The following LOC728392 variants were observed in gnomAD, a reference collection of about 807,000 sequenced individuals.
the LOC728392 span, chr17:5,499,778 G>A: frequency 1.0e-6 from 1 of 985,848 alleles, no homozygotes. Flanking sequence ...CGTGGACCCC[G>A]GCTAGGGCCC....
At chr17:5,499,991 C>A in the LOC728392 span, 14 of 986,070 alleles carry the variant, frequency 1.4e-5, no homozygotes, top group African/African-American at 1.7e-4. Context: ...AGCCGGAGCC[C>A]CTGGGGGCGC....
chr17:5,500,682 G>A, the LOC728392 span: 2 of 1,271,768 alleles, frequency 1.6e-6, no homozygotes, highest in Admixed American at 5.2e-5. The surrounding 1 kb of genome is among the most constrained non-coding windows in gnomAD (Gnocchi z 5.4). Flanking sequence ...GGAGAGGTGC[G>A]GAAAATGGTC....
chr17:5,500,587 C>G, the LOC728392 span: 2 of 1,245,728 alleles, frequency 1.6e-6, no homozygotes, highest in South Asian at 2.8e-5. The surrounding 1 kb of genome is among the most constrained non-coding windows in gnomAD (Gnocchi z 5.4). Flanking sequence ...CCCCGTCCCG[C>G]GCTGGCCACT....
the LOC728392 span, chr17:5,499,809 G>A: frequency 9.2e-4 from 912 of 986,032 alleles, no homozygotes; most frequent in Admixed American, 3.0e-3. Context: ...ATCCTCAGGA[G>A]TGCGCCAGCT....
the LOC728392 span, chr17:5,500,249 G>A: frequency 1.0e-6 from 1 of 995,430 alleles, no homozygotes; most frequent in African/African-American, 1.7e-5. This position sits in a 1 kb window ranked among gnomAD's most constrained non-coding sequence, Gnocchi z 5.4. Context: ...GGCGCACTCT[G>A]AGCTCCCCAA....
the LOC728392 span, chr17:5,499,682 C>T: frequency 2.5e-6 from 2 of 792,226 alleles, no homozygotes; most frequent in Non-Finnish European, 1.5e-6. Flanking sequence ...AGAAATCCCT[C>T]AGCCCCTTTT....
At chr17:5,500,732 G>C in the LOC728392 span, 1 of 1,239,862 alleles carries the variant, frequency 8.1e-7, no homozygotes, top group Middle Eastern at 2.4e-4. This position sits in a 1 kb window ranked among gnomAD's most constrained non-coding sequence, Gnocchi z 5.4. Context: ...CCTCCTTCTT[G>C]GGCGGGGGGC....
At chr17:5,500,468 C>A in the LOC728392 span, 1 of 1,147,272 alleles carries the variant, frequency 8.7e-7, no homozygotes, top group Non-Finnish European at 1.1e-6. This position sits in a 1 kb window ranked among gnomAD's most constrained non-coding sequence, Gnocchi z 5.4. Context: ...ACAACAAAGA[C>A]GGAAAGAAAC....
At chr17:5,500,312 G>T in the LOC728392 span, 1 of 1,042,894 alleles carries the variant, frequency 9.6e-7, no homozygotes, top group Non-Finnish European at 1.2e-6. The surrounding 1 kb of genome is among the most constrained non-coding windows in gnomAD (Gnocchi z 5.4). Context: ...AGTGGTAGGG[G>T]TCCAGGGGCA....
the LOC728392 span, chr17:5,500,958 G>C: frequency 8.0e-7 from 1 of 1,247,208 alleles, no homozygotes; most frequent in Non-Finnish European, 1.0e-6. This position sits in a 1 kb window ranked among gnomAD's most constrained non-coding sequence, Gnocchi z 5.4. Flanking sequence ...GTCAGCCATG[G>C]GCAGGATCGC....
the LOC728392 span, chr17:5,500,245 C>T: frequency 1.0e-6 from 1 of 994,928 alleles, no homozygotes; most frequent in Non-Finnish European, 1.2e-6. The surrounding 1 kb of genome is among the most constrained non-coding windows in gnomAD (Gnocchi z 5.4). Flanking sequence ...ATTGGGCGCA[C>T]TCTGAGCTCC....
chr17:5,500,991 T>C, the LOC728392 span: 14 of 1,215,564 alleles, frequency 1.2e-5, no homozygotes, highest in Non-Finnish European at 1.5e-5. The surrounding 1 kb of genome is among the most constrained non-coding windows in gnomAD (Gnocchi z 5.4). Context: ...CAGCCGGGTC[T>C]GGGTCAGAGC....
At chr17:5,500,795 C>T in the LOC728392 span, 2 of 1,155,732 alleles carry the variant, frequency 1.7e-6, no homozygotes, top group African/African-American at 1.7e-5. This position sits in a 1 kb window ranked among gnomAD's most constrained non-coding sequence, Gnocchi z 5.4. Flanking sequence ...CCCTCCCGCC[C>T]GCGCGCCGAC....
chr17:5,500,682 G>C, the LOC728392 span: 14 of 1,271,768 alleles, frequency 1.1e-5, no homozygotes, highest in Non-Finnish European at 1.4e-5. This position sits in a 1 kb window ranked among gnomAD's most constrained non-coding sequence, Gnocchi z 5.4. Context: ...GGAGAGGTGC[G>C]GAAAATGGTC....
At chr17:5,500,983 G>A in the LOC728392 span, 3 of 1,230,276 alleles carry the variant, frequency 2.4e-6, no homozygotes, top group Non-Finnish European at 3.2e-6. The surrounding 1 kb of genome is among the most constrained non-coding windows in gnomAD (Gnocchi z 5.4). Flanking sequence ...AGGTGGGTCA[G>A]CCGGGTCTGG....
At chr17:5,500,860 C>G in the LOC728392 span, 9 of 1,239,620 alleles carry the variant, frequency 7.3e-6, no homozygotes, top group Non-Finnish European at 9.4e-6. The surrounding 1 kb of genome is among the most constrained non-coding windows in gnomAD (Gnocchi z 5.4). Flanking sequence ...GCGGGAGGGT[C>G]TTCCGGGGGA....
chr17:5,500,395 C>T, the LOC728392 span: 2 of 1,091,574 alleles, frequency 1.8e-6, no homozygotes, highest in Non-Finnish European at 2.2e-6. The surrounding 1 kb of genome is among the most constrained non-coding windows in gnomAD (Gnocchi z 5.4). Context: ...CAGGTGCAAA[C>T]AGCACCCCTA....
At chr17:5,500,770 CGCGGCCCCCCT>C in the LOC728392 span, 1 of 1,201,848 alleles carries the variant, frequency 8.3e-7, no homozygotes, top group Non-Finnish European at 1.1e-6. The surrounding 1 kb of genome is among the most constrained non-coding windows in gnomAD (Gnocchi z 5.4). Flanking sequence ...GGCTGCCCGG[CGCGGCCCCCCT>C]GCGCCCTCCC....
chr17:5,500,101 A>T, the LOC728392 span: 5 of 986,310 alleles, frequency 5.1e-6, no homozygotes, highest in Non-Finnish European at 6.0e-6. This position sits in a 1 kb window ranked among gnomAD's most constrained non-coding sequence, Gnocchi z 5.4. Context: ...TCTGGGGCAC[A>T]GCTGGCTCCT....
Sources: allele counts gnomAD v4.1 joint callset, GRCh38; gene constraint gnomAD v4.1.1; non-coding constraint Gnocchi (gnomAD v3.1); transcripts MANE v1.5.